Variants in ANKIB1 observed in about 807,000 individuals in gnomAD.
The protein encoded by ANKIB1 is ankyrin repeat and IBR domain containing 1.
Under a neutral mutation model 122.1 loss-of-function variants are expected in ANKIB1, and 43 were observed. The ratio of observed to expected loss-of-function variants is 0.35; its 90% CI spans 0.28 to 0.45. ANKIB1 has a LOEUF of 0.45. ANKIB1 is among the 20% of genes least tolerant of loss of function. ANKIB1 has a pLI of 1.00. For missense variants in ANKIB1, 992 were observed against 1,329.5 expected (o/e 0.75, Z 3.95); for synonymous variants, 390 against 442.0 (o/e 0.88, Z 1.48).
chr7:92,349,229 A>G (rs1389823422), intron 7 of ANKIB1, among the ~76,000 whole-genome samples: 1 of 152,180 alleles, frequency 6.6e-6, no homozygotes, highest in African/African-American at 2.4e-5. Flanking sequence ...TTAAAGAGAA[A>G]GCTCTCCCTT....
At chr7:92,255,181 A>G (rs1801409754) in intron 1 of ANKIB1, among the ~76,000 whole-genome samples, 1 of 152,232 alleles carries the variant, frequency 6.6e-6, no homozygotes, top group South Asian at 2.1e-4. Context: ...ATGGACTAAT[A>G]GAATCATCTA....
chr7:92,344,852 G>A, intron 6 of ANKIB1, 126 bp from the exon 7 acceptor site: 1 of 642,606 alleles, frequency 1.6e-6, no homozygotes, highest in Non-Finnish European at 2.7e-6. Context: ...AACTTTGAAA[G>A]AGGTAACTTT....
intron 1 of ANKIB1, among the ~76,000 whole-genome samples, chr7:92,259,092 C>T (rs1341037836): frequency 1.3e-5 from 2 of 151,910 alleles, no homozygotes; most frequent in African/African-American, 4.8e-5. Flanking sequence ...TAGCTGGGAC[C>T]ACAGATGCAT....
At chr7:92,397,295 G>A (rs1468227341) in intron 18 of ANKIB1, among the ~76,000 whole-genome samples, 1 of 152,042 alleles carries the variant, frequency 6.6e-6, no homozygotes, top group Non-Finnish European at 1.5e-5. Flanking sequence ...AGACCATCCT[G>A]ACCAACATGG....
chr7:92,287,632 C>T (rs771397854), intron 1 of ANKIB1, among the ~76,000 whole-genome samples: 2 of 151,968 alleles, frequency 1.3e-5, no homozygotes, highest in Non-Finnish European at 2.9e-5. Context: ...AGATGCTTTG[C>T]GTCCATGCAA....
chr7:92,347,380 G>T (rs901703262), intron 7 of ANKIB1, among the ~76,000 whole-genome samples: 1 of 152,092 alleles, frequency 6.6e-6, no homozygotes. Context: ...TCTTCTTCCA[G>T]TGTGGCCCAG....
rs1300150993 is a variant in ANKIB1 at position 92,400,707 on chromosome 7, C to T, written c.*1758C>T. On this transcript the variant is annotated 3_prime_UTR_variant, in exon 20 of 20. Transcript: ENST00000265742. ...TCTTAGGATAAACTGTGGGAATCCT[C>T]CTATGCCATGGATATCAAAGGTCCA... is the stretch of plus-strand genomic sequence containing the variant. 6.6e-6 allele frequency: 1 copy of T among 152,090 alleles called. No individual in the cohort carries two copies. Among genetic ancestry groups the T allele is most frequent in the East Asian group, 1.9e-4 (1 of 5,200 alleles). The allele number at this position is 152,090 out of a possible 1,614,324, so 9.4% of individuals were successfully genotyped here.
At position 92,258,899 on chromosome 7, in the gene ANKIB1, A is replaced by G. The variant is rs755697551; in HGVS notation, c.-91+12380A>G. On this transcript the variant is annotated intron_variant, in intron 1 of 19. Coordinates refer to ENST00000265742, the MANE Select transcript of ANKIB1 (RefSeq NM_019004.2). ...TTGCCCTTAGATGGAAGTAGCATCAACCACACATCAAAGGCCAGGTTTTTT... is the reference window on the plus strand; with the variant it reads ...TTGCCCTTAGATGGAAGTAGCATCAGCCACACATCAAAGGCCAGGTTTTTT... Among the ~76,000 whole-genome samples the G allele has an allele frequency of 2.5e-4, 38 of 152,280 alleles. 2 individuals carry two copies. Among genetic ancestry groups the G allele is most frequent in the African/African-American group, 8.7e-4 (36 of 41,562 alleles).
intron 11 of ANKIB1, among the ~76,000 whole-genome samples, chr7:92,382,673 G>A (rs2115681070): frequency 6.6e-6 from 1 of 152,280 alleles, no homozygotes; most frequent in South Asian, 2.1e-4. Flanking sequence ...CAGAAATAAA[G>A]ATGTTCTTTG....
At chr7:92,322,528 C>A (rs10488514) in intron 4 of ANKIB1, among the ~76,000 whole-genome samples, 48,412 of 151,766 alleles carry the variant, frequency 0.32, 7,970 homozygotes, top group Non-Finnish European at 0.35. Context: ...AAAATAATTT[C>A]TTCATCCTGA....
chr7:92,292,140 G>A (rs1483397718), intron 1 of ANKIB1, among the ~76,000 whole-genome samples: 1 of 152,186 alleles, frequency 6.6e-6, no homozygotes, highest in Non-Finnish European at 1.5e-5. Context: ...CTAGGGAAAA[G>A]TAAAAGGATA....
intron 1 of ANKIB1, among the ~76,000 whole-genome samples, chr7:92,257,820 G>A (rs1371002858): frequency 6.6e-6 from 1 of 151,838 alleles, no homozygotes; most frequent in African/African-American, 2.4e-5. Context: ...ATAAAATAAA[G>A]ATTATTCTAT....
chr7:92,352,106 A>C (rs1803678040), intron 8 of ANKIB1, among the ~76,000 whole-genome samples: 3 of 152,192 alleles, frequency 2.0e-5, no homozygotes, highest in Admixed American at 6.6e-5. Flanking sequence ...ATACAGCTAC[A>C]TGCATGTTTC....
chr7:92,305,620 A>C (rs946389204), intron 2 of ANKIB1, among the ~76,000 whole-genome samples: 1 of 152,196 alleles, frequency 6.6e-6, no homozygotes, highest in African/African-American at 2.4e-5. Flanking sequence ...GCCTAGTGTA[A>C]AGAGGCTTCT....
chr7:92,319,861 A>G (rs1562780980), intron 4 of ANKIB1: 1 of 200,488 alleles, frequency 5.0e-6, no homozygotes, highest in Non-Finnish European at 1.0e-5. Flanking sequence ...CTTGAGTCCA[A>G]GAGTTCAAGG....
intron 7 of ANKIB1, among the ~76,000 whole-genome samples, chr7:92,350,314 A>T (rs939944349): frequency 6.6e-6 from 1 of 152,140 alleles, no homozygotes; most frequent in Non-Finnish European, 1.5e-5. Context: ...ATTGAATATG[A>T]CCTTTCTGAG....
At chr7:92,353,029 A>G (rs1803698923) in intron 9 of ANKIB1, among the ~76,000 whole-genome samples, 1 of 152,184 alleles carries the variant, frequency 6.6e-6, no homozygotes, top group Admixed American at 6.5e-5. Context: ...ATTGCTGACC[A>G]TAGATTAGAA....
At chr7:92,346,230 G>A (rs778073072) in intron 7 of ANKIB1, among the ~76,000 whole-genome samples, 1 of 151,886 alleles carries the variant, frequency 6.6e-6, no homozygotes, top group Non-Finnish European at 1.5e-5. Context: ...CCGGGTTCAA[G>A]CGATTCTCAT....
At chr7:92,358,955 T>G (rs1803884276) in intron 9 of ANKIB1, among the ~76,000 whole-genome samples, 1 of 152,310 alleles carries the variant, frequency 6.6e-6, no homozygotes, top group Admixed American at 6.5e-5. Flanking sequence ...ATGGCATATT[T>G]CTTACTCTGA....
Sources: allele counts gnomAD v4.1 joint callset (sites outside exome capture counted in the v4.1 genomes callset), GRCh38; gene constraint gnomAD v4.1.1; transcripts MANE v1.5; gene names NCBI Gene and HGNC (gene_info 2026-07-23, HGNC 2026-07-21).